Variants in TENM2 observed in about 807,000 individuals in gnomAD.
TENM2 encodes the protein teneurin transmembrane protein 2, also known as teneurin-2.
Under a neutral mutation model 245.2 loss-of-function variants are expected in TENM2, and 52 were observed. The observed-to-expected ratio is 0.21, with a 90% CI of 0.17 to 0.27. The LOEUF (loss-of-function observed/expected upper bound fraction) is 0.27. Among genes scored for constraint, TENM2 ranks in the 10% least tolerant of loss-of-function variants. The pLI is 1.00. For synonymous variants in TENM2, 1,363 were observed against 1,438.9 expected (o/e 0.95, Z 1.19); for missense variants, 3,046 against 3,666.8 (o/e 0.83, Z 4.37).
rs147576713 is a variant in TENM2 at position 168,251,727 on chromosome 5, A to G, written c.7432+3356A>G. Among the ~76,000 whole-genome samples, 477 of 152,382 alleles carry G rather than the reference A, an allele frequency of 3.1e-3. 2 individuals carry two copies. The highest frequency in any genetic ancestry group is 6.7e-3 in the Admixed American group (102 of 15,308). ...GGTAATTAAGATGTAGTCGGGAGGA[A>G]CACAAAGAACAGAACCTTTTCTCTC... is the stretch of plus-strand genomic sequence containing the variant. On this transcript the variant is annotated intron_variant, in intron 27 of 28. Coordinates refer to ENST00000518659, the Ensembl canonical transcript of TENM2.
intron 2 of TENM2, among the ~76,000 whole-genome samples, chr5:167,512,810 G>A (rs1193301979): frequency 6.6e-5 from 10 of 152,118 alleles, no homozygotes; most frequent in Non-Finnish European, 1.3e-4. Context: ...CTATTTTTAT[G>A]AAGTAGTTTT....
intron 25 of TENM2, among the ~76,000 whole-genome samples, chr5:168,238,246 A>G (rs1331324183): frequency 2.6e-4 from 38 of 143,570 alleles, no homozygotes; most frequent in African/African-American, 9.2e-4. Flanking sequence ...AAAGAAAAGA[A>G]AAGAAAAGAA....
At chr5:167,673,346 C>T (rs1417040124) in intron 2 of TENM2, among the ~76,000 whole-genome samples, 1 of 151,890 alleles carries the variant, frequency 6.6e-6, no homozygotes, top group Non-Finnish European at 1.5e-5. Context: ...AGATGGTTCC[C>T]ATTAACACCG....
chr5:167,880,225 G>C (rs970525370), intron 3 of TENM2, among the ~76,000 whole-genome samples: 1 of 151,894 alleles, frequency 6.6e-6, no homozygotes, highest in African/African-American at 2.4e-5. Flanking sequence ...TAGAAATGGG[G>C]TTTCACCATG....
At chr5:167,669,575 T>G (rs537651943) in intron 2 of TENM2, among the ~76,000 whole-genome samples, 1 of 152,078 alleles carries the variant, frequency 6.6e-6, no homozygotes, top group East Asian at 1.9e-4. Context: ...TTGTGCTTTT[T>G]TTTTTCTGAT....
At chr5:168,207,729 G>A (rs951103690) in intron 19 of TENM2, among the ~76,000 whole-genome samples, 3 of 152,086 alleles carry the variant, frequency 2.0e-5, no homozygotes, top group Non-Finnish European at 4.4e-5. Flanking sequence ...GGGAGTCAGT[G>A]CCCATCCCTA....
chr5:168,122,846 TG>T (rs1261955842), intron 10 of TENM2, among the ~76,000 whole-genome samples: 1 of 152,224 alleles, frequency 6.6e-6, no homozygotes, highest in African/African-American at 2.4e-5. Context: ...TTATTATTTT[TG>T]CCTCAAGGGA....
At chr5:167,161,556 T>C in the TENM2 span, among the ~76,000 whole-genome samples, 1 of 152,150 alleles carries the variant, frequency 6.6e-6, no homozygotes, top group African/African-American at 2.4e-5. Context: ...AGTAACAGAT[T>C]AGAAAATACA....
rs946912321 is a variant in TENM2, at chr5:168,149,968, T to C, written c.2423-12643T>C. Among the ~76,000 whole-genome samples the C allele has an allele frequency of 4.6e-5, 7 of 152,262 alleles. No homozygotes were observed. The East Asian group carries it at 1.2e-3, about 25-fold the overall frequency. ...TCCTCCCCTCCTTTAGGTTTTTTGC[T>C]CAAACAACTTATCATCAGGGGCTTC... On this transcript the variant is annotated intron_variant, in intron 12 of 28. Transcript: ENST00000518659.
intron 4 of TENM2, among the ~76,000 whole-genome samples, chr5:167,971,267 AGAAAG>A (rs1464177447): frequency 1.1e-3 from 55 of 48,956 alleles, no homozygotes; most frequent in African/African-American, 6.0e-3. Flanking sequence ...AGAGAGAGAA[AGAAAG>A]GGGAAAAAGG....
chr5:167,152,380 T>TAAC, the TENM2 span, among the ~76,000 whole-genome samples: 96 of 152,310 alleles, frequency 6.3e-4, no homozygotes, highest in South Asian at 7.7e-3. Flanking sequence ...AGACTTTATT[T>TAAC]AACAGTAACG....
intron 1 of TENM2, among the ~76,000 whole-genome samples, chr5:167,302,188 G>C (rs972122044): frequency 6.6e-6 from 1 of 152,136 alleles, no homozygotes; most frequent in Non-Finnish European, 1.5e-5. Context: ...AGATCTTGTA[G>C]GATGGAAAAA....
the TENM2 span, among the ~76,000 whole-genome samples, chr5:167,126,037 T>G: frequency 2.0e-5 from 3 of 152,214 alleles, no homozygotes; most frequent in Admixed American, 6.5e-5. Context: ...AATCTGTATT[T>G]CTGCTTAGAT....
the TENM2 span, among the ~76,000 whole-genome samples, chr5:167,070,020 C>T: frequency 1.3e-5 from 2 of 151,858 alleles, no homozygotes; most frequent in African/African-American, 2.4e-5. Context: ...TTAAATGTAC[C>T]GTCTTAAAGC....
the TENM2 span, among the ~76,000 whole-genome samples, chr5:167,246,631 T>C: frequency 6.6e-6 from 1 of 152,132 alleles, no homozygotes; most frequent in Non-Finnish European, 1.5e-5. Flanking sequence ...CCTCAAATTC[T>C]TTTGTGCCTT....
intron 2 of TENM2, among the ~76,000 whole-genome samples, chr5:167,689,096 A>G (rs1757261208): frequency 6.6e-6 from 1 of 152,216 alleles, no homozygotes; most frequent in Non-Finnish European, 1.5e-5. Flanking sequence ...AGATACCAAG[A>G]CAGGATTAGG....
chr5:167,995,587 G>A (rs1393430072), intron 5 of TENM2, among the ~76,000 whole-genome samples: 2 of 152,200 alleles, frequency 1.3e-5, no homozygotes, highest in African/African-American at 2.4e-5. Context: ...GTGGTAAGGG[G>A]TCAGGATCTG....
chr5:168,079,277 T>G (rs1791760789), intron 7 of TENM2, among the ~76,000 whole-genome samples: 1 of 152,250 alleles, frequency 6.6e-6, no homozygotes, highest in African/African-American at 2.4e-5. Context: ...TGCACATTGA[T>G]TTTGTATCCT....
the TENM2 span, among the ~76,000 whole-genome samples, chr5:166,984,226 A>G: frequency 1.3e-5 from 2 of 152,088 alleles, no homozygotes; most frequent in Admixed American, 6.6e-5. Context: ...TCTTTTGTTT[A>G]TTTAGGTTTT....
Sources: allele counts gnomAD v4.1 joint callset (sites outside exome capture counted in the v4.1 genomes callset), GRCh38; gene constraint gnomAD v4.1.1; transcripts MANE v1.5; gene names NCBI Gene and HGNC (gene_info 2026-07-23, HGNC 2026-07-21).